Variants in TANGO2 observed in about 807,000 individuals in gnomAD.
The protein encoded by TANGO2 is transport and Golgi organization protein 2 homolog.
TANGO2 carries 26 observed loss-of-function variants against 39.1 expected under a neutral mutation model. That is an observed-to-expected ratio of 0.67 (90% confidence interval 0.49 to 0.92). The LOEUF (loss-of-function observed/expected upper bound fraction) is 0.92, where lower values mean the gene tolerates loss of function less well. Among genes scored for constraint, TANGO2 ranks in the 40% least tolerant of loss-of-function variants. The pLI is 0.00. For missense variants in TANGO2, 326 were observed against 360.1 expected, an observed-to-expected ratio of 0.91 and a Z score of 0.77; for synonymous variants, 131 against 144.5, an observed-to-expected ratio of 0.91 and a Z score of 0.67.
chr22:20,053,033 C>G (rs2046678365), intron 4 of TANGO2, among the ~76,000 whole-genome samples: 1 of 152,142 alleles, frequency 6.6e-6, no homozygotes, highest in Non-Finnish European at 1.5e-5. Flanking sequence ...CTGTTTACTC[C>G]TCTCAGGGCG....
rs189236159 is a variant in TANGO2 at position 20,066,001 on chromosome 22, C to T, written c.*1339C>T. On this transcript the variant is annotated 3_prime_UTR_variant, in exon 9 of 9. Coordinates refer to ENST00000327374, the MANE Select transcript of TANGO2 (RefSeq NM_152906.7). ...CTCCTGTGCAGCCAGACACCCTGGACGAGGCCCTTCCCACCTCCCCCTTTC... is the reference window on the plus strand; with the variant it reads ...CTCCTGTGCAGCCAGACACCCTGGATGAGGCCCTTCCCACCTCCCCCTTTC... The T allele has an allele frequency of 2.7e-3, 405 of 152,552 alleles. 6 individuals are homozygous for T. The highest frequency in any genetic ancestry group is 9.4e-3 in the African/African-American group (391 of 41,560). The allele number at this position is 152,552 out of a possible 1,614,324, so 9.4% of individuals were successfully genotyped here.
rs761967528 is a variant in TANGO2, at chr22:20,053,349, A to G, written c.266-88A>G. The G allele has an allele frequency of 5.9e-6, 5 of 849,818 alleles. 1 individual carries two copies. The highest frequency in any genetic ancestry group is 5.8e-5 in the South Asian group (4 of 68,452). The allele number at this position is 849,818 out of a possible 1,614,324, so 52.6% of individuals were successfully genotyped here. On this transcript the variant is annotated intron_variant, in intron 4 of 8. Coordinates refer to ENST00000327374, the MANE Select transcript of TANGO2 (RefSeq NM_152906.7). ...CCAGTGGGACCCCTCATCTTCCTGC[A>G]TCCTCCCCAGGGGGCCCCATATCAG...
intron 1 of TANGO2, among the ~76,000 whole-genome samples, chr22:20,033,812 G>A (rs969844938): frequency 2.6e-5 from 4 of 152,232 alleles, no homozygotes; most frequent in Non-Finnish European, 5.9e-5. Context: ...CACTGCATTC[G>A]GGATGGTTCT....
intron 1 of TANGO2, among the ~76,000 whole-genome samples, chr22:20,023,427 G>C (rs1050253568): frequency 1.3e-5 from 2 of 152,358 alleles, no homozygotes; most frequent in African/African-American, 4.8e-5. Flanking sequence ...TCCAGAGCTT[G>C]CTGTCTGCTC....
At chr22:20,045,502 T>C (rs1168785828) in intron 3 of TANGO2, among the ~76,000 whole-genome samples, 6 of 77,644 alleles carry the variant, frequency 7.7e-5, no homozygotes, top group Admixed American at 1.7e-4. Flanking sequence ...ATCACTTCTT[T>C]TTTTTTTTTT....
At chr22:20,023,023 C>T (rs558524957) in intron 1 of TANGO2, among the ~76,000 whole-genome samples, 19 of 152,172 alleles carry the variant, frequency 1.2e-4, no homozygotes, top group Non-Finnish European at 2.2e-4. Flanking sequence ...GGATGGGCTC[C>T]GTGAAAACAA....
chr22:20,042,452 T>C (rs1192253676), intron 2 of TANGO2, among the ~76,000 whole-genome samples: 2 of 152,196 alleles, frequency 1.3e-5, no homozygotes, highest in Non-Finnish European at 2.9e-5. Flanking sequence ...TAGATGTCTC[T>C]CCTAATTCCA....
At chr22:20,058,241 A>G (rs1271816192) in intron 6 of TANGO2, 1 of 152,096 alleles carries the variant, frequency 6.6e-6, no homozygotes, top group Non-Finnish European at 1.5e-5. Flanking sequence ...GCAACCTTTA[A>G]TCTGCTTTCT....
intron 3 of TANGO2, among the ~76,000 whole-genome samples, chr22:20,047,435 A>G (rs1330193528): frequency 2.6e-5 from 4 of 151,914 alleles, no homozygotes; most frequent in African/African-American, 9.7e-5. Context: ...GGGTTTCACC[A>G]TGTTGGTCAG....
chr22:20,059,470 A>G (rs895757240), intron 6 of TANGO2, among the ~76,000 whole-genome samples: 1 of 152,228 alleles, frequency 6.6e-6, no homozygotes, highest in Non-Finnish European at 1.5e-5. Flanking sequence ...CTGTTTGCCA[A>G]AGCAGCCGCA....
intron 7 of TANGO2, chr22:20,062,918 C>G (rs548596016): frequency 6.1e-6 from 1 of 164,656 alleles, no homozygotes; most frequent in African/African-American, 2.4e-5. Context: ...GTCAGGAGGT[C>G]AAAACCAACT....
intron 2 of TANGO2, among the ~76,000 whole-genome samples, chr22:20,039,497 C>T (rs1167249929): frequency 6.6e-6 from 1 of 151,786 alleles, no homozygotes; most frequent in African/African-American, 2.4e-5. Context: ...GGCATGGTGG[C>T]GCACACCTGT....
At chr22:20,030,534 A>G (rs1339218065) in intron 1 of TANGO2, among the ~76,000 whole-genome samples, 3 of 152,152 alleles carry the variant, frequency 2.0e-5, no homozygotes, top group African/African-American at 7.2e-5. Flanking sequence ...TTTAGTAGAG[A>G]CAGGGTTTCA....
rs546039693 is a variant in TANGO2 at position 20,064,983 on chromosome 22, C to T, written c.*321C>T. On this transcript the variant is annotated 3_prime_UTR_variant, in exon 9 of 9. Transcript: ENST00000327374. ...CACATGGCACACACATACACTCCTG[C>T]GTGTGCACAAGCACACACATGCAAG... 9 of 306,002 alleles carry T rather than the reference C, an allele frequency of 2.9e-5. No homozygotes were observed. Among genetic ancestry groups the T allele is most frequent in the South Asian group, 4.8e-5 (1 of 20,836 alleles). The allele number at this position is 306,002 out of a possible 1,614,324, so 19.0% of individuals were successfully genotyped here. A position where few individuals can be genotyped will look rare whatever the true frequency, so the allele number is the denominator to read the frequency against.
chr22:20,046,567 T>G (rs1490071607), intron 3 of TANGO2, among the ~76,000 whole-genome samples: 1 of 150,616 alleles, frequency 6.6e-6, no homozygotes, highest in Admixed American at 6.7e-5. Context: ...CAGGTTCAAG[T>G]GATTCTCCTG....
chr22:20,036,624 TGTCCAGTTCC>T, intron 1 of TANGO2, 126 bp from the exon 2 acceptor site: 1 of 724,456 alleles, frequency 1.4e-6, no homozygotes, highest in Non-Finnish European at 2.4e-6. Flanking sequence ...AAGAGTGTGG[TGTCCAGTTCC>T]CCCACACCCA....
In TANGO2 at chr22:20,066,984, G is replaced by A. The variant is rs60598731; in HGVS notation, c.*2322G>A. On this transcript the variant is annotated 3_prime_UTR_variant, in exon 9 of 9. Transcript: ENST00000327374. ...TGGTGTTATGAGTTGTGTCCCCAAA[G>A]AGATATATCAGTGTCCTGACCCACA... is the stretch of plus-strand genomic sequence containing the variant. 0.1 allele frequency: 15,463 copies of A among 152,220 alleles called. 1,496 individuals are homozygous for A. Among genetic ancestry groups the A allele is most frequent in the African/African-American group, 0.25 (10,454 of 41,482 alleles). The allele number at this position is 152,220 out of a possible 1,614,324, so 9.4% of individuals were successfully genotyped here.
intron 3 of TANGO2, among the ~76,000 whole-genome samples, chr22:20,044,206 G>A (rs1202039676): frequency 6.6e-6 from 1 of 152,220 alleles, no homozygotes; most frequent in South Asian, 2.1e-4. Context: ...GGCCCATGGA[G>A]GCTGTGTGTG....
At chr22:20,055,325 A>G (rs61371564) in intron 5 of TANGO2, 7,052 of 154,786 alleles carry the variant, frequency 0.046, 229 homozygotes, top group East Asian at 0.079. Context: ...GGGTCTTGCT[A>G]TGTTGCCCAG....
Sources: gnomAD v4.1 joint callset for allele counts (sites outside exome capture counted in the v4.1 genomes callset) on GRCh38, gnomAD v4.1.1 for gene constraint, MANE v1.5 for transcripts, NCBI Gene and HGNC (gene_info 2026-07-23, HGNC 2026-07-21) for gene names.